PASD1: variants seen among roughly 807,000 people sequenced by gnomAD.
The protein encoded by PASD1 is circadian clock protein PASD1.
In PASD1, 13 loss-of-function variants were observed where a neutral mutation model predicts 58.8. The ratio of observed to expected loss-of-function variants is 0.22; its 90% CI spans 0.14 to 0.35. The LOEUF (loss-of-function observed/expected upper bound fraction) is 0.35. Ranked by LOEUF, PASD1 falls within the 10% of genes least tolerant of loss-of-function variation. The pLI is 1.00. For synonymous variants in PASD1, 236 were observed against 216.7 expected (o/e 1.09, Z -0.78); for missense variants, 734 against 568.3 (o/e 1.29, Z -2.96).
rs2014544761 is a variant in PASD1, at chrX:151,676,250, G to T, written c.*107G>T. On this transcript the variant is annotated 3_prime_UTR_variant, in exon 16 of 16. Coordinates refer to ENST00000370357, the MANE Select transcript of PASD1 (RefSeq NM_173493.3). ...GGTGCGTAAAGTCCCTTGGGGTAGG[G>T]TTTAGTGGGTAGAGACTTATTTGTT... 2 of 810,501 alleles carry T rather than the reference G, an allele frequency of 2.5e-6. No homozygotes were observed. The highest frequency in any genetic ancestry group is 6.1e-5 in the South Asian group (2 of 32,931). 66.8% of individuals were successfully genotyped at this position (810,501 alleles called of 1,213,427 possible).
At chrX:151,611,617 T>C (rs2013559751) in intron 3 of PASD1, 47 bp from the exon 4 acceptor site, 12 of 932,926 alleles carry the variant, frequency 1.3e-5, no homozygotes, top group Non-Finnish European at 1.8e-5. Flanking sequence ...ACTATCATTT[T>C]ATTATTGTTC....
intron 8 of PASD1, among the ~76,000 whole-genome samples, chrX:151,627,689 G>C (rs2013808651): frequency 8.9e-6 from 1 of 111,874 alleles, no homozygotes; most frequent in South Asian, 3.8e-4. Flanking sequence ...CTTTATAGCA[G>C]CATGATTTAT....
chrX:151,626,773 G>A (rs750599119), intron 8 of PASD1, among the ~76,000 whole-genome samples: 1 of 112,233 alleles, frequency 8.9e-6, no homozygotes, highest in Non-Finnish European at 1.9e-5. Flanking sequence ...GGTGAGAAGA[G>A]TGAGCTGGAA....
chrX:151,595,538 G>A (rs1344316425), intron 1 of PASD1, among the ~76,000 whole-genome samples: 1 of 107,631 alleles, frequency 9.3e-6, no homozygotes, highest in African/African-American at 3.4e-5. Flanking sequence ...CTAACATGGT[G>A]AAACCCCGTC....
intron 4 of PASD1, among the ~76,000 whole-genome samples, chrX:151,620,666 G>A (rs1373681493): frequency 9.0e-6 from 1 of 110,609 alleles, no homozygotes; most frequent in East Asian, 2.8e-4. Context: ...AAGGTTGGAA[G>A]TAACTAGAGT....
At chrX:151,653,338 CATG>C (rs1237547826) in intron 9 of PASD1, among the ~76,000 whole-genome samples, 1 of 109,416 alleles carries the variant, frequency 9.1e-6, no homozygotes, top group African/African-American at 3.3e-5. Flanking sequence ...ATTACAGGCG[CATG>C]CCACCACACC....
In PASD1 at chrX:151,628,013, G is replaced by A. The variant is rs1258470408; in HGVS notation, c.629+2483G>A. Among the ~76,000 whole-genome samples, 5 of 111,927 alleles carry A rather than the reference G, an allele frequency of 4.5e-5. No homozygotes were observed. The East Asian group carries it at 8.4e-4, about 19-fold the overall frequency. On this transcript the variant is annotated intron_variant, in intron 8 of 15. Transcript: ENST00000370357. ...CTGCATAAATGTCTTCTTTTGAGAA[G>A]TGTCTGTTCATATCCTTCGCCCACT... is the stretch of plus-strand genomic sequence containing the variant.
chrX:151,654,815 A>G (rs767041150), intron 9 of PASD1, among the ~76,000 whole-genome samples: 8 of 111,199 alleles, frequency 7.2e-5, no homozygotes, highest in South Asian at 7.8e-4. Flanking sequence ...GATGATTTCT[A>G]AACTCAGGGT....
intron 4 of PASD1, among the ~76,000 whole-genome samples, chrX:151,620,459 C>G (rs2013691137): frequency 9.2e-6 from 1 of 108,556 alleles, no homozygotes; most frequent in Non-Finnish European, 1.9e-5. Context: ...TTCACTGAAA[C>G]AAGAAATTAG....
rs2013026780 is a variant in PASD1, at chrX:151,577,632, C to G, written c.-28+13793C>G. On this transcript the variant is annotated intron_variant, in intron 1 of 15. Transcript: ENST00000370357. Reference sequence around the variant, plus strand: ...CTCCACCTCCCGGGTTCAAGTGATTCTCCTGCCTCAGCCTCCCGAGTAGCT... The same window carrying G: ...CTCCACCTCCCGGGTTCAAGTGATTGTCCTGCCTCAGCCTCCCGAGTAGCT... Among the ~76,000 whole-genome samples the G allele has an allele frequency of 2.7e-5, 3 of 111,857 alleles. 1 individual carries two copies. In the Admixed American group the frequency reaches 2.8e-4, roughly 11 times the overall value.
chrX:151,606,753 T>C (rs185387172), intron 3 of PASD1, among the ~76,000 whole-genome samples: 224 of 110,028 alleles, frequency 2.0e-3, no homozygotes, highest in Admixed American at 6.5e-3. Context: ...GTAGAGAATG[T>C]GGTAATCAAA....
chrX:151,668,987 C>T (rs1350993988), intron 11 of PASD1, among the ~76,000 whole-genome samples: 1 of 107,803 alleles, frequency 9.3e-6, no homozygotes, highest in Admixed American at 1.0e-4. Context: ...AGCAGTTCTC[C>T]CACGTCAGCC....
chrX:151,590,336 T>G (rs2013227171), intron 1 of PASD1, among the ~76,000 whole-genome samples: 1 of 111,761 alleles, frequency 8.9e-6, no homozygotes, highest in African/African-American at 3.3e-5. Flanking sequence ...TGAATTACAG[T>G]GCTTTAGTCT....
chrX:151,573,977 A>T (rs1216952436), intron 1 of PASD1, among the ~76,000 whole-genome samples: 1 of 112,446 alleles, frequency 8.9e-6, no homozygotes, highest in Non-Finnish European at 1.9e-5. Context: ...CCCTTTACTA[A>T]CATGTTGTCT....
intron 11 of PASD1, among the ~76,000 whole-genome samples, chrX:151,665,672 T>G (rs1022260500): frequency 9.0e-6 from 1 of 111,721 alleles, no homozygotes; most frequent in African/African-American, 3.3e-5. Context: ...TTAGCCCTTC[T>G]CAGACGGATT....
chrX:151,652,539 AAAAAAAAC>A (rs1359581179), intron 9 of PASD1, among the ~76,000 whole-genome samples: 170 of 105,077 alleles, frequency 1.6e-3, no homozygotes, highest in African/African-American at 4.9e-3. Context: ...TCTCAAAAAA[AAAAAAAAC>A]AAAAAACAAA....
intron 8 of PASD1, among the ~76,000 whole-genome samples, chrX:151,643,901 A>G (rs1430435066): frequency 3.6e-5 from 4 of 112,305 alleles, no homozygotes; most frequent in African/African-American, 6.5e-5. Context: ...TATGTGTAAG[A>G]TACAGACCCC....
chrX:151,664,976 T>C (rs1410782785), intron 11 of PASD1, among the ~76,000 whole-genome samples: 1 of 112,096 alleles, frequency 8.9e-6, no homozygotes, highest in Non-Finnish European at 1.9e-5. Context: ...TTAGACAGGA[T>C]TATTAAAATC....
intron 4 of PASD1, among the ~76,000 whole-genome samples, chrX:151,616,828 G>A (rs1324384658): frequency 9.0e-6 from 1 of 111,180 alleles, no homozygotes; most frequent in Non-Finnish European, 1.9e-5. Flanking sequence ...GAAGCTTACC[G>A]CATAGTAGAG....
Sources: gnomAD v4.1 joint callset for allele counts (sites outside exome capture counted in the v4.1 genomes callset) on GRCh38, gnomAD v4.1.1 for gene constraint, MANE v1.5 for transcripts, NCBI Gene and HGNC (gene_info 2026-07-23, HGNC 2026-07-21) for gene names.